CFTR: variants seen among roughly 807,000 people sequenced by gnomAD.
CFTR encodes the protein CF transmembrane conductance regulator.
In CFTR, 181 loss-of-function variants were observed where a neutral mutation model predicts 171.6. That is an observed-to-expected ratio of 1.05 (90% CI 0.93 to 1.19). The LOEUF is 1.19. Ranked by LOEUF, CFTR falls within the 50% of genes most tolerant of loss-of-function variation. The probability of loss-of-function intolerance (pLI) is 0.00; values close to 1 mark genes in which losing one functional copy is unlikely to be tolerated. For synonymous variants in CFTR, 583 were observed against 608.0 expected (o/e 0.96, Z 0.60); for missense variants, 1,968 against 1,734.7 (o/e 1.13, Z -2.39).
chr7:117,619,543 T>C (rs1792542387), intron 21 of CFTR, among the ~76,000 whole-genome samples: 1 of 152,242 alleles, frequency 6.6e-6, no homozygotes, highest in Non-Finnish European at 1.5e-5. Context: ...GATTGTACAA[T>C]GACCAACAAG....
chr7:117,627,385 C>A, intron 21 of CFTR, 137 bp from the exon 22 acceptor site: 2 of 873,362 alleles, frequency 2.3e-6, no homozygotes, highest in Non-Finnish European at 3.6e-6. Flanking sequence ...CCTGTTAGTT[C>A]ATTGAAAAGC....
intron 1 of CFTR, among the ~76,000 whole-genome samples, chr7:117,483,865 C>T (rs1300502482): frequency 6.6e-6 from 1 of 152,166 alleles, no homozygotes; most frequent in Non-Finnish European, 1.5e-5. Flanking sequence ...TAAGCCACCT[C>T]ACCCTGTCAG....
At chr7:117,540,367 A>AT (rs1202382689) in intron 8 of CFTR, 21 bp downstream of exon 8, 1 of 1,600,036 alleles carries the variant, frequency 6.2e-7, no homozygotes, top group East Asian at 2.2e-5. Context: ...ATAATGCTGC[A>AT]TTATATACTA....
chr7:117,502,496 G>A (rs572423331), intron 1 of CFTR, among the ~76,000 whole-genome samples: 4 of 152,272 alleles, frequency 2.6e-5, no homozygotes, highest in African/African-American at 9.6e-5. Context: ...TAGTTTACAA[G>A]GGCTCATAAT....
At chr7:117,629,821 T>C (rs1178502035) in intron 22 of CFTR, among the ~76,000 whole-genome samples, 1 of 152,232 alleles carries the variant, frequency 6.6e-6, no homozygotes, top group African/African-American at 2.4e-5. Flanking sequence ...TTATCATATC[T>C]TAAGTACTGT....
intron 1 of CFTR, among the ~76,000 whole-genome samples, chr7:117,492,093 C>G (rs1798168409): frequency 6.6e-6 from 1 of 151,922 alleles, no homozygotes; most frequent in Non-Finnish European, 1.5e-5. Context: ...GAATGACTTT[C>G]CATTTATGAA....
At chr7:117,663,185 C>T (rs1793317434) in intron 24 of CFTR, among the ~76,000 whole-genome samples, 1 of 152,000 alleles carries the variant, frequency 6.6e-6, no homozygotes, top group African/African-American at 2.4e-5. Context: ...AAAGATAGAC[C>T]ATAGCAGCTT....
At chr7:117,572,168 AT>A (rs1256016370) in intron 11 of CFTR, among the ~76,000 whole-genome samples, 1 of 151,884 alleles carries the variant, frequency 6.6e-6, no homozygotes, top group Admixed American at 6.6e-5. Context: ...GGTCCAGCTA[AT>A]TTTTGTATTT....
At chr7:117,660,056 TACAAA>T (rs1160946357) in intron 24 of CFTR, among the ~76,000 whole-genome samples, 1 of 152,076 alleles carries the variant, frequency 6.6e-6, no homozygotes, top group Non-Finnish European at 1.5e-5. Context: ...TTTAACATGT[TACAAA>T]ACAAAATTTC....
At chr7:117,525,265 G>T (rs1473664827) in intron 3 of CFTR, among the ~76,000 whole-genome samples, 2 of 151,798 alleles carry the variant, frequency 1.3e-5, no homozygotes, top group Non-Finnish European at 2.9e-5. Flanking sequence ...TATAATTTCT[G>T]TTCTTTTACA....
chr7:117,485,389 A>G (rs1377684823), intron 1 of CFTR, among the ~76,000 whole-genome samples: 1 of 152,212 alleles, frequency 6.6e-6, no homozygotes, highest in Non-Finnish European at 1.5e-5. Flanking sequence ...AGGGGAAAAC[A>G]GACTATGATA....
rs777190367 is a variant in CFTR, at chr7:117,595,016, A to C, written c.2577A>C (p.Leu859Phe). 1.2e-6 allele frequency: 2 copies of C among 1,613,020 alleles called. No homozygotes were observed. The highest frequency in any genetic ancestry group is 1.7e-5 in the Admixed American group (1 of 60,002). Residue 859 changes from leucine (L) to phenylalanine (F), a missense_variant, in exon 15 of 27, where the codon TTA (leucine) becomes TTC (phenylalanine). By Grantham distance (22) the Leu-to-Phe change is conservative. Coordinates refer to ENST00000003084, the MANE Select transcript of CFTR (RefSeq NM_000492.4). Reference sequence around the variant, plus strand: ...GATATATTACTGTCCACAAGAGCTTAATTTTTGTGCTAATTTGGTGCTTAG... The same window carrying C: ...GATATATTACTGTCCACAAGAGCTTCATTTTTGTGCTAATTTGGTGCTTAG... ...YLRYITVHKSLIFVLIWCLVI... is the reference protein window; with the variant it reads ...YLRYITVHKSFIFVLIWCLVI...
chr7:117,525,123 C>A (rs1402463246), intron 3 of CFTR, among the ~76,000 whole-genome samples: 1 of 152,104 alleles, frequency 6.6e-6, no homozygotes, highest in Non-Finnish European at 1.5e-5. Context: ...TTTTTAGCAC[C>A]TGCCTGTCTG....
chr7:117,567,619 C>T (rs1204582596), intron 11 of CFTR, among the ~76,000 whole-genome samples: 1 of 152,098 alleles, frequency 6.6e-6, no homozygotes, highest in Non-Finnish European at 1.5e-5. Context: ...GTGTTTGGCA[C>T]CAGGGATGTT....
intron 1 of CFTR, among the ~76,000 whole-genome samples, chr7:117,500,601 A>AT (rs1297027030): frequency 6.6e-6 from 1 of 151,484 alleles, no homozygotes; most frequent in Admixed American, 6.6e-5. Context: ...GATGGGACAT[A>AT]TTTTTCATTC....
chr7:117,613,690 G>A (rs1301106201), intron 20 of CFTR, among the ~76,000 whole-genome samples: 1 of 152,068 alleles, frequency 6.6e-6, no homozygotes, highest in African/African-American at 2.4e-5. Flanking sequence ...ACTACATGCA[G>A]ATATATGCTG....
rs139415718 is a variant in CFTR at position 117,590,564 on chromosome 7, T to C, written c.1766+125T>C. ...TCACCATTGTTGGTATGGCAGAATG[T>C]AGCATGGTATTAACTCAAATCTGAT... is the stretch of plus-strand genomic sequence containing the variant. On this transcript the variant is annotated intron_variant, in intron 13 of 26. Transcript: ENST00000003084. 1.5e-4 allele frequency: 184 copies of C among 1,201,834 alleles called. 1 individual carries two copies. The East Asian group carries it at 4.6e-3, about 30-fold the overall frequency. 74.4% of individuals were successfully genotyped at this position (1,201,834 alleles called of 1,614,324 possible).
At position 117,627,740 on chromosome 7, in the gene CFTR, C is replaced by A. The variant is rs139322772; in HGVS notation, c.3687C>A (p.Asn1229Lys). 3.7e-6 allele frequency: 6 copies of A among 1,612,636 alleles called. No individual in the cohort carries two copies. The highest frequency in any genetic ancestry group is 5.1e-6 in the Non-Finnish European group (6 of 1,179,432). ...AAGGTGGAAATGCCATATTAGAGAA[C>A]ATTTCCTTCTCAATAAGTCCTGGCC... ...YTEGGNAILENISFSISPGQR... is the reference protein window; with the variant it reads ...YTEGGNAILEKISFSISPGQR... Residue 1229 changes from asparagine to lysine, a missense_variant, in exon 22 of 27, where the codon AAC (asparagine) becomes AAA (lysine). Transcript: ENST00000003084.
Position 117,592,233 on chromosome 7 carries a change from A to G in CFTR, c.2066A>G (p.Gln689Arg). ...WTETKKQSFK[Q>R]TGEFGEKRKN... ...GAAACAAAAAAACAATCTTTTAAAC[A>G]GACTGGAGAGTTTGGGGAAAAAAGG... is the stretch of plus-strand genomic sequence containing the variant. Residue 689 changes from glutamine to arginine, a missense_variant, in exon 14 of 27, where the codon CAG (glutamine) becomes CGG (arginine). Coordinates refer to ENST00000003084, the MANE Select transcript of CFTR (RefSeq NM_000492.4). The G allele has an allele frequency of 6.2e-7, 1 of 1,613,894 alleles. No individual in the cohort carries two copies.
Sources: gnomAD v4.1 joint callset for allele counts (sites outside exome capture counted in the v4.1 genomes callset) on GRCh38, gnomAD v4.1.1 for gene constraint, MANE v1.5 for transcripts, NCBI Gene and HGNC (gene_info 2026-07-23, HGNC 2026-07-21) for gene names.